The following BEGAIN variants were observed in gnomAD, a reference collection of about 807,000 sequenced individuals.
BEGAIN encodes brain-enriched guanylate kinase-associated protein.
Under a neutral mutation model 35.8 loss-of-function variants are expected in BEGAIN, and 19 were observed. The ratio of observed to expected loss-of-function variants is 0.53; its 90% CI spans 0.37 to 0.78. BEGAIN has a LOEUF of 0.78. Among genes scored for constraint, BEGAIN ranks in the 30% least tolerant of loss-of-function variants. The pLI is 0.00. For missense variants in BEGAIN, 795 were observed against 853.6 expected, an observed-to-expected ratio of 0.93 and a Z score of 0.85; for synonymous variants, 462 against 388.6, an observed-to-expected ratio of 1.19 and a Z score of -2.22.
chr14:100,545,811 A>G lies in BEGAIN; in HGVS notation c.233+690T>C, dbSNP rs2032294495. Among the ~76,000 whole-genome samples the G allele has an allele frequency of 2.6e-5, 4 of 152,216 alleles. No homozygotes were observed. The South Asian group carries it at 8.3e-4, about 31-fold the overall frequency. On this transcript the variant is annotated intron_variant, in intron 3 of 6. Transcript: ENST00000554140. ...ACACTCAGGAGCTGGGGCTGTTCGG[A>G]GAGGGACAAACCCTCTCCCTATGGC...
At chr14:100,560,041 T>C (rs1201036237) in intron 2 of BEGAIN, among the ~76,000 whole-genome samples, 1 of 152,174 alleles carries the variant, frequency 6.6e-6, no homozygotes, top group Non-Finnish European at 1.5e-5. Context: ...CGCGGGGGGC[T>C]GAGAGGGTCA....
At position 100,587,260 on chromosome 14, in the gene BEGAIN, G is replaced by A; in HGVS notation, c.31C>T (p.Leu11=). Residue 11 remains leucine, a synonymous_variant, in exon 1 of 7, where the codon CTG becomes TTG. Coordinates refer to ENST00000554140, the MANE Select transcript of BEGAIN (RefSeq NM_001385089.1). MWTGGRRPGR[L]RRAASAADME... The stretch of plus-strand genomic sequence containing the variant: ...TCGCAGGTACTCACCGCCCGGCGCA[G>A]CCGGCCCGGCCGGCGACCGCCAGTC... 1 of 189,892 alleles carries A rather than the reference G, an allele frequency of 5.3e-6. No individual in the cohort carries two copies. The highest frequency in any genetic ancestry group is 8.1e-5 in the South Asian group (1 of 12,322). 11.8% of individuals were successfully genotyped at this position (189,892 alleles called of 1,614,324 possible).
Position 100,544,987 on chromosome 14 carries a change from G to T in BEGAIN, c.300+13C>A. The T allele has an allele frequency of 6.2e-7, 1 of 1,610,386 alleles. No homozygotes were observed. The highest frequency in any genetic ancestry group is 1.3e-5 in the African/African-American group (1 of 75,010). ...TGTGGGGTGGGGGAGTGGGCGCTGC[G>T]TGGCGGCCTCACCATGCGGTACAGC... On this transcript the variant is annotated intron_variant, in intron 4 of 6. Transcript: ENST00000554140.
At chr14:100,554,388 C>T (rs2033502327) in intron 2 of BEGAIN, among the ~76,000 whole-genome samples, 1 of 152,180 alleles carries the variant, frequency 6.6e-6, no homozygotes, top group Admixed American at 6.5e-5. Flanking sequence ...CTCTGTCTTC[C>T]CTCTTCGGTC....
Position 100,538,611 on chromosome 14 carries a change from G to A in BEGAIN, c.1197C>T (p.Phe399=), listed in dbSNP as rs1227646531. The A allele has an allele frequency of 6.5e-7, 1 of 1,548,710 alleles. No homozygotes were observed. The highest frequency in any genetic ancestry group is 8.7e-7 in the Non-Finnish European group (1 of 1,145,924). Residue 399 remains phenylalanine (F), a synonymous_variant, in exon 7 of 7, where the codon TTC becomes TTT. Coordinates refer to ENST00000554140, the MANE Select transcript of BEGAIN (RefSeq NM_001385089.1). ...GGGGACCCGGAGAGGCCGGGAAGCG[G>A]AAGGTCTCGGCCGGGTACGGTGACA... The part of the protein sequence containing the change: ...RTMSPYPAET[F]RFPASPGPQQ...
At position 100,563,228 on chromosome 14, in the gene BEGAIN, C is replaced by G. The variant is rs1319417676; in HGVS notation, c.71+4683G>C. On this transcript the variant is annotated intron_variant, in intron 2 of 6. Coordinates refer to ENST00000554140, the MANE Select transcript of BEGAIN (RefSeq NM_001385089.1). This position sits in a 1 kb window ranked among gnomAD's most constrained non-coding sequence, Gnocchi z 4.2. ...GAGTGTGGCCCGAACACCTGGGTGT[C>G]CTTGTGCAAAACCAAAACCAGAACC... is the stretch of plus-strand genomic sequence containing the variant. Among the ~76,000 whole-genome samples the G allele has an allele frequency of 6.6e-6, 1 of 152,170 alleles. No individual in the cohort carries two copies. The highest frequency in any genetic ancestry group is 2.1e-4 in the South Asian group (1 of 4,832).
In BEGAIN at chr14:100,539,176, G is replaced by C. The variant is rs1286583550; in HGVS notation, c.632C>G (p.Pro211Arg). 5 of 1,583,616 alleles carry C rather than the reference G, an allele frequency of 3.2e-6. No homozygotes were observed. The highest frequency in any genetic ancestry group is 8.6e-7 in the Non-Finnish European group (1 of 1,162,494). Residue 211 changes from proline to arginine, a missense_variant, in exon 7 of 7, where the codon CCC becomes CGC. Transcript: ENST00000554140. ...GGACAGGCGGGAGGACAGGCTGGCG[G>C]GGTCCGGCTTCTCCAGCACCTTGGC... is the stretch of plus-strand genomic sequence containing the variant. ...VIAKVLEKPD[P>R]ASLSSRLSDA...
chr14:100,545,498 A>G (rs1004818230), intron 3 of BEGAIN: 1 of 915,954 alleles, frequency 1.1e-6, no homozygotes, highest in African/African-American at 1.8e-5. Flanking sequence ...GTGAGGCTGG[A>G]GACATCACAG....
At chr14:100,560,863 C>T (rs1277258735) in intron 2 of BEGAIN, among the ~76,000 whole-genome samples, 1 of 152,218 alleles carries the variant, frequency 6.6e-6, no homozygotes, top group African/African-American at 2.4e-5. Flanking sequence ...CAGACACGAG[C>T]TGCCCTCGAC....
chr14:100,575,631 TG>T (rs931890399), intron 1 of BEGAIN, among the ~76,000 whole-genome samples: 18 of 151,992 alleles, frequency 1.2e-4, no homozygotes, highest in Admixed American at 7.2e-4. Context: ...GATACGATCC[TG>T]GGGGGCTGGT....
In BEGAIN at chr14:100,583,469, T is replaced by C. The variant is rs116054350; in HGVS notation, c.42+3780A>G. Among the ~76,000 whole-genome samples, 290 of 152,224 alleles carry C rather than the reference T, an allele frequency of 1.9e-3. 1 individual carries two copies. The highest frequency in any genetic ancestry group is 6.7e-3 in the African/African-American group (277 of 41,532). ...ATTCATCTACCAATCTTGCCTTGTG[T>C]ATCAGAAGTCTCCCTCCCTCCACCC... On this transcript the variant is annotated intron_variant, in intron 1 of 6. Transcript: ENST00000554140.
At chr14:100,559,324 G>A (rs2034034845) in intron 2 of BEGAIN, among the ~76,000 whole-genome samples, 1 of 152,196 alleles carries the variant, frequency 6.6e-6, no homozygotes, top group Non-Finnish European at 1.5e-5. Context: ...GCAAGAGGGT[G>A]GGGCCGTGCA....
At chr14:100,544,020 C>T in intron 4 of BEGAIN, 55 bp from the exon 5 acceptor site, 2 of 1,360,842 alleles carry the variant, frequency 1.5e-6, no homozygotes, top group South Asian at 2.5e-5. Flanking sequence ...GGTGAGCCAA[C>T]CCAGTCGCTC....
chr14:100,565,668 C>T (rs1336336663), intron 2 of BEGAIN, among the ~76,000 whole-genome samples: 1 of 152,134 alleles, frequency 6.6e-6, no homozygotes, highest in Non-Finnish European at 1.5e-5. Flanking sequence ...TCCCTGTGGA[C>T]ACTTCAGGAC....
At chr14:100,549,803 C>T (rs1427375559) in intron 2 of BEGAIN, 3 of 152,492 alleles carry the variant, frequency 2.0e-5, no homozygotes, top group Non-Finnish European at 2.9e-5. Flanking sequence ...GCCTGTGGCT[C>T]AGAGGCCTCT....
At chr14:100,565,436 T>G (rs1040801748) in intron 2 of BEGAIN, among the ~76,000 whole-genome samples, 5 of 152,160 alleles carry the variant, frequency 3.3e-5, no homozygotes, top group Non-Finnish European at 7.4e-5. Context: ...AAGGGAGCCA[T>G]TGAGGGCCAC....
intron 2 of BEGAIN, among the ~76,000 whole-genome samples, chr14:100,557,290 C>G (rs975775897): frequency 2.0e-4 from 30 of 152,250 alleles, no homozygotes; most frequent in Admixed American, 2.0e-3. Flanking sequence ...GGCATCGGGG[C>G]AGGGAATGTG....
chr14:100,551,011 G>T (rs1244619021), intron 2 of BEGAIN, among the ~76,000 whole-genome samples: 1 of 152,156 alleles, frequency 6.6e-6, no homozygotes, highest in Non-Finnish European at 1.5e-5. Flanking sequence ...TGCATCTGTC[G>T]GGTGCCTGCC....
At position 100,578,856 on chromosome 14, in the gene BEGAIN, CTTTTTT is replaced by C. The variant is rs529546763; in HGVS notation, c.42+8387_42+8392del. The stretch of plus-strand genomic sequence containing the variant: ...AGCCTTGCATCATCTGCCTCTGGTA[CTTTTTT>C]TTTTTTTTTTTTTTCTGAGATGGAG... On this transcript the variant is annotated intron_variant, in intron 1 of 6. Transcript: ENST00000554140. Among the ~76,000 whole-genome samples, 199 of 126,994 alleles carry C rather than the reference CTTTTTT, an allele frequency of 1.6e-3. 2 individuals carry two copies. The highest frequency in any genetic ancestry group is 2.4e-4 in the East Asian group (1 of 4,238). 83.3% of individuals were successfully genotyped at this position (126,994 alleles called of 152,430 possible). A position where few individuals can be genotyped will look rare whatever the true frequency, so the allele number is the denominator to read the frequency against.
Sources: gnomAD v4.1 joint callset for allele counts (sites outside exome capture counted in the v4.1 genomes callset) on GRCh38, gnomAD v4.1.1 for gene constraint, Gnocchi (gnomAD v3.1) non-coding constraint, MANE v1.5 for transcripts, NCBI Gene and HGNC (gene_info 2026-07-23, HGNC 2026-07-21) for gene names.